The following LMCD1 variants were observed in gnomAD, a reference collection of about 807,000 sequenced individuals.
LMCD1 encodes the protein LIM and cysteine-rich domains protein 1.
LMCD1 carries 32 observed loss-of-function variants against 42.7 expected under a neutral mutation model. The ratio of observed to expected loss-of-function variants is 0.75; its 90% CI spans 0.57 to 1.01. The LOEUF is 1.01. Ranked by LOEUF, LMCD1 falls within the 50% of genes least tolerant of loss-of-function variation. The probability of loss-of-function intolerance (pLI) is 0.00; values close to 1 mark genes in which losing one functional copy is unlikely to be tolerated. For synonymous variants in LMCD1, 178 were observed against 184.9 expected (o/e 0.96, Z 0.30); for missense variants, 458 against 483.1 (o/e 0.95, Z 0.49).
chr3:8,547,040 A>T (rs777086785), intron 3 of LMCD1, among the ~76,000 whole-genome samples: 7 of 152,248 alleles, frequency 4.6e-5, no homozygotes, highest in Non-Finnish European at 1.0e-4. Flanking sequence ...TCAAATTCTG[A>T]TGGAAAACCT....
chr3:8,565,681 T>C (rs551099415), intron 5 of LMCD1, 34 bp downstream of exon 5: 2 of 1,537,694 alleles, frequency 1.3e-6, no homozygotes, highest in African/African-American at 1.4e-5. Flanking sequence ...TTAGGGGGCT[T>C]GAGGGACACT....
intron 1 of LMCD1, among the ~76,000 whole-genome samples, chr3:8,514,652 T>A (rs1694066103): frequency 6.6e-6 from 1 of 152,228 alleles, no homozygotes; most frequent in Admixed American, 6.5e-5. Flanking sequence ...AATCATTTTA[T>A]ATTTATACAA....
At chr3:8,532,406 G>C (rs182028711) in intron 1 of LMCD1, among the ~76,000 whole-genome samples, 2 of 152,130 alleles carry the variant, frequency 1.3e-5, no homozygotes, top group Admixed American at 1.3e-4. Flanking sequence ...GGGTGAGGGT[G>C]GGGGATGGAA....
At chr3:8,527,300 A>T (rs1694319070) in intron 1 of LMCD1, among the ~76,000 whole-genome samples, 1 of 152,224 alleles carries the variant, frequency 6.6e-6, no homozygotes, top group Admixed American at 6.5e-5. Context: ...CTGCCTTCAA[A>T]GGAGCTCCAA....
intron 4 of LMCD1, among the ~76,000 whole-genome samples, chr3:8,564,459 A>G (rs1695093637): frequency 6.6e-6 from 1 of 151,984 alleles, no homozygotes; most frequent in Non-Finnish European, 1.5e-5. Flanking sequence ...TTTTGTAGAG[A>G]TGGGGTCTTG....
intron 2 of LMCD1, among the ~76,000 whole-genome samples, chr3:8,533,157 C>T (rs758581241): frequency 2.6e-5 from 4 of 152,104 alleles, no homozygotes; most frequent in Non-Finnish European, 4.4e-5. Context: ...GGGTATGCCT[C>T]GGGGTTTGGT....
At position 8,573,210 on chromosome 3, in the gene LMCD1, G is replaced by A. The variant is rs550119071; in HGVS notation, c.*5612G>A. 3 of 152,318 alleles carry A rather than the reference G, an allele frequency of 2.0e-5. No homozygotes were observed. The East Asian group carries it at 5.8e-4, about 29-fold the overall frequency. The allele number at this position is 152,318 out of a possible 1,614,324, so 9.4% of individuals were successfully genotyped here. On this transcript the variant is annotated 3_prime_UTR_variant, in exon 6 of 6. Transcript: ENST00000157600. ...AGATGTTTCATGTTGTAGCTTGGGT[G>A]AATTACACATTTCTGAAGCCATTAC...
At chr3:8,552,678 A>G (rs751479393) in intron 4 of LMCD1, among the ~76,000 whole-genome samples, 5 of 152,214 alleles carry the variant, frequency 3.3e-5, no homozygotes, top group Non-Finnish European at 5.9e-5. Flanking sequence ...GTGAGAGTCT[A>G]GATGGTAACA....
chr3:8,532,152 G>A (rs1475178758), intron 1 of LMCD1, among the ~76,000 whole-genome samples: 2 of 152,184 alleles, frequency 1.3e-5, no homozygotes, highest in Non-Finnish European at 2.9e-5. Flanking sequence ...ACCTTTGGCT[G>A]GTAGCAAGTA....
intron 3 of LMCD1, among the ~76,000 whole-genome samples, chr3:8,542,305 G>C (rs1222968745): frequency 5.9e-5 from 9 of 152,134 alleles, no homozygotes; most frequent in African/African-American, 2.2e-4. Context: ...CCCAGCCCCA[G>C]CTGGAGCTTT....
In LMCD1 at chr3:8,548,786, G is replaced by A. The variant is rs113889700; in HGVS notation, c.606G>A (p.Pro202=). ...EALGVGEVAL[P]GQGGLPKEEG... is the part of the protein sequence containing the mutation. ...TCGGCGTGGGAGAAGTGGCCCTCCC[G>A]GGGCAGGGTGGCTTGCCCAAGGAGG... is the stretch of plus-strand genomic sequence containing the variant. The change falls in exon 4 of 6, where the codon CCG becomes CCA. Residue 202 remains proline (P), a synonymous_variant. Transcript: ENST00000157600. 5.7e-5 allele frequency: 92 copies of A among 1,610,678 alleles called. 2 individuals carry two copies. The highest frequency in any genetic ancestry group is 5.0e-4 in the Middle Eastern group (3 of 6,050).
intron 4 of LMCD1, among the ~76,000 whole-genome samples, chr3:8,553,263 G>A (rs1055714022): frequency 4.0e-5 from 6 of 151,782 alleles, no homozygotes; most frequent in Non-Finnish European, 5.9e-5. Context: ...TTGTCCACCT[G>A]CTGGGGGACG....
chr3:8,545,637 C>T lies in LMCD1; in HGVS notation c.388-2931C>T, dbSNP rs183549368. ...TTCTTGCATCAGATTTACCAGGATT[C>T]TTGTTAAAAATGCAGATTCCTGTAC... On this transcript the variant is annotated intron_variant, in intron 3 of 5. Coordinates refer to ENST00000157600, the MANE Select transcript of LMCD1 (RefSeq NM_014583.4). 2.0e-5 allele frequency among the ~76,000 whole-genome samples: 3 copies of T among 152,276 alleles called. No homozygotes were observed. In the East Asian group the frequency reaches 5.8e-4, roughly 29 times the overall value.
At chr3:8,502,604 ACACGCACG>A (rs1425033866) in intron 1 of LMCD1, among the ~76,000 whole-genome samples, 1 of 127,730 alleles carries the variant, frequency 7.8e-6, no homozygotes, top group Non-Finnish European at 1.7e-5. Flanking sequence ...ACACACACAC[ACACGCACG>A]CAGTTTCTTT....
intron 3 of LMCD1, among the ~76,000 whole-genome samples, chr3:8,539,427 C>T (rs1694575590): frequency 6.6e-6 from 1 of 152,146 alleles, no homozygotes; most frequent in Admixed American, 6.5e-5. Flanking sequence ...GGGGCTTGTC[C>T]CGGGCCACAG....
intron 3 of LMCD1, among the ~76,000 whole-genome samples, chr3:8,541,490 A>C (rs1266786851): frequency 1.3e-5 from 2 of 152,200 alleles, no homozygotes; most frequent in Non-Finnish European, 2.9e-5. Context: ...CAGAGGTTGC[A>C]GTGAGCCGAG....
In LMCD1 at chr3:8,545,450, ATTC is replaced by A. The variant is rs1271282063; in HGVS notation, c.388-3115_388-3113del. ...CAAAATTCATATTTCTTCCTTGAGAATTCTTACATTTTGCAAAAGCCTGAAGCA... is the reference window on the plus strand; with the variant it reads ...CAAAATTCATATTTCTTCCTTGAGAATTACATTTTGCAAAAGCCTGAAGCA... On this transcript the variant is annotated intron_variant, in intron 3 of 5. Transcript: ENST00000157600. Among the ~76,000 whole-genome samples the A allele has an allele frequency of 5.9e-5, 9 of 152,318 alleles. No homozygotes were observed. The East Asian group carries it at 1.7e-3, about 29-fold the overall frequency.
At chr3:8,556,865 T>C (rs1308399273) in intron 4 of LMCD1, among the ~76,000 whole-genome samples, 1 of 152,158 alleles carries the variant, frequency 6.6e-6, no homozygotes, top group East Asian at 1.9e-4. Flanking sequence ...GTTAGAAATG[T>C]TTAATATTTT....
At chr3:8,535,986 T>C (rs1429666132) in intron 2 of LMCD1, among the ~76,000 whole-genome samples, 1 of 152,164 alleles carries the variant, frequency 6.6e-6, no homozygotes, top group Non-Finnish European at 1.5e-5. Flanking sequence ...GCTAATTCTG[T>C]CCTTTGGGAC....
Sources: allele counts gnomAD v4.1 joint callset (sites outside exome capture counted in the v4.1 genomes callset), GRCh38; gene constraint gnomAD v4.1.1; transcripts MANE v1.5; gene names NCBI Gene and HGNC (gene_info 2026-07-23, HGNC 2026-07-21).